Variants in C2CD5 observed in about 807,000 individuals in gnomAD.
C2CD5 encodes the protein C2 calcium dependent domain containing 5.
In C2CD5, 109 loss-of-function variants were observed where a neutral mutation model predicts 130.3. That is an observed-to-expected ratio of 0.84 (90% CI 0.72 to 0.98). The LOEUF (loss-of-function observed/expected upper bound fraction) is 0.98, where lower values mean the gene tolerates loss of function less well. Among genes scored for constraint, C2CD5 ranks in the 50% least tolerant of loss-of-function variants. The probability of loss-of-function intolerance (pLI) is 0.00; values close to 1 mark genes in which losing one functional copy is unlikely to be tolerated. For synonymous variants in C2CD5, 454 were observed against 429.2 expected, an observed-to-expected ratio of 1.06 and a Z score of -0.71; for missense variants, 996 against 1,261.8, an observed-to-expected ratio of 0.79 and a Z score of 3.19.
chr12:22,465,518 G>C (rs1162510442), intron 22 of C2CD5, among the ~76,000 whole-genome samples: 1 of 151,994 alleles, frequency 6.6e-6, no homozygotes, highest in Non-Finnish European at 1.5e-5. Context: ...ATATTTCTCT[G>C]AAGTAATATG....
At chr12:22,453,003 G>GAA (rs1207994469) in intron 26 of C2CD5, among the ~76,000 whole-genome samples, 2 of 152,056 alleles carry the variant, frequency 1.3e-5, no homozygotes, top group African/African-American at 4.8e-5. Flanking sequence ...TTTTACTAAT[G>GAA]AAAAAATGAT....
chr12:22,505,769 C>A (rs1948447437), intron 10 of C2CD5, among the ~76,000 whole-genome samples: 1 of 152,134 alleles, frequency 6.6e-6, no homozygotes, highest in Non-Finnish European at 1.5e-5. Context: ...AATTATGGTC[C>A]TATGTTTTAA....
intron 12 of C2CD5, among the ~76,000 whole-genome samples, chr12:22,485,162 C>T (rs1945308416): frequency 6.6e-6 from 1 of 152,070 alleles, no homozygotes; most frequent in Non-Finnish European, 1.5e-5. Flanking sequence ...TGACAAACAT[C>T]ACTATCACCC....
chr12:22,497,154 T>C (rs554002936), intron 10 of C2CD5, among the ~76,000 whole-genome samples: 111 of 152,248 alleles, frequency 7.3e-4, no homozygotes, highest in African/African-American at 2.2e-3. Flanking sequence ...TTTATATAGC[T>C]CTGGGAGAGA....
chr12:22,513,542 T>C (rs1344916764), intron 8 of C2CD5, among the ~76,000 whole-genome samples, 163 bp from the exon 9 acceptor site: 1 of 152,146 alleles, frequency 6.6e-6, no homozygotes, highest in Non-Finnish European at 1.5e-5. Flanking sequence ...ACTCTACTTT[T>C]ATTCACAGTT....
In C2CD5 at chr12:22,506,636, TA is replaced by T. The variant is rs1176359342; in HGVS notation, c.1147+74del. On this transcript the variant is annotated intron_variant, in intron 10 of 26. Transcript: ENST00000446597. ...TTCTCTTTTCAGTTAGATTTGGCTT[TA>T]AAAAAATCATAAAAATCAATTTTAA... 3.6e-5 allele frequency: 32 copies of T among 895,564 alleles called. 1 individual carries two copies. Among genetic ancestry groups the T allele is most frequent in the South Asian group, 1.0e-4 (7 of 66,928 alleles). The allele number at this position is 895,564 out of a possible 1,614,324, so 55.5% of individuals were successfully genotyped here.
At chr12:22,502,947 G>T in intron 10 of C2CD5, 1 of 575,656 alleles carries the variant, frequency 1.7e-6, no homozygotes. Context: ...TTAATAAGAA[G>T]TAGAAATAGA....
At chr12:22,543,235 TCTTTA>T (rs564927502) in intron 2 of C2CD5, among the ~76,000 whole-genome samples, 36 of 152,256 alleles carry the variant, frequency 2.4e-4, no homozygotes, top group Non-Finnish European at 4.9e-4. Flanking sequence ...TTTATTACAA[TCTTTA>T]CTTGGCTTCT....
chr12:22,458,516 G>A lies in C2CD5; in HGVS notation c.2654C>T (p.Ala885Val), dbSNP rs1049711634. 2.3e-6 allele frequency: 3 copies of A among 1,303,932 alleles called. No homozygotes were observed. The highest frequency in any genetic ancestry group is 2.9e-6 in the Non-Finnish European group (3 of 1,023,330). The allele number at this position is 1,303,932 out of a possible 1,614,324, so 80.8% of individuals were successfully genotyped here. A position where few individuals can be genotyped will look rare whatever the true frequency, so the allele number is the denominator to read the frequency against. Residue 885 changes from alanine to valine, a missense_variant, in exon 24 of 27, where the codon GCT (alanine) becomes GTT (valine). Coordinates refer to ENST00000446597, the MANE Select transcript of C2CD5 (RefSeq NM_001286176.2). Reference protein sequence around the residue: ...SSWIELIKLKAQTIRRGSIKT... With the variant: ...SSWIELIKLKVQTIRRGSIKT... ...AATTGATCCACGCCTTATGGTCTGAGCTTTCAGTTTAATGAGCTCTATCCA... is the reference window on the plus strand; with the variant it reads ...AATTGATCCACGCCTTATGGTCTGAACTTTCAGTTTAATGAGCTCTATCCA...
chr12:22,518,601 C>T (rs533163542), intron 7 of C2CD5, among the ~76,000 whole-genome samples: 6 of 152,248 alleles, frequency 3.9e-5, no homozygotes, highest in South Asian at 2.1e-4. Flanking sequence ...GCTAAAAACA[C>T]AGCAGAGAGA....
At chr12:22,478,929 A>G (rs1944284400) in intron 14 of C2CD5, among the ~76,000 whole-genome samples, 1 of 152,178 alleles carries the variant, frequency 6.6e-6, no homozygotes, top group Non-Finnish European at 1.5e-5. Flanking sequence ...GGGTATACAT[A>G]GGACATCTCT....
At chr12:22,490,263 A>C in intron 11 of C2CD5, 45 bp from the exon 12 acceptor site, 1 of 1,362,066 alleles carries the variant, frequency 7.3e-7, no homozygotes, top group Non-Finnish European at 1.0e-6. Flanking sequence ...TTCAGACCGT[A>C]TAACTTTGGG....
intron 6 of C2CD5, among the ~76,000 whole-genome samples, 191 bp downstream of exon 6, chr12:22,524,281 T>C (rs113163550): frequency 1.3e-5 from 2 of 152,182 alleles, no homozygotes; most frequent in Non-Finnish European, 2.9e-5. Flanking sequence ...TACTACAAGC[T>C]TCTGATTTGC....
intron 11 of C2CD5, among the ~76,000 whole-genome samples, chr12:22,492,761 G>GCA: frequency 6.6e-6 from 1 of 152,148 alleles, no homozygotes; most frequent in South Asian, 2.1e-4. Context: ...AGAATGATTT[G>GCA]TTAGCAAGAA....
At position 22,478,385 on chromosome 12, in the gene C2CD5, G is replaced by A; in HGVS notation, c.1830C>T (p.His610=). ...KTPNDGSYEQ[H]ISHMQKKIND... ...TTATCTTCTTCTGCATATGAGAGAT[G>A]TGTTGTTCATATGAGCCATCATTAG... Residue 610 remains histidine (H), a synonymous_variant, in exon 15 of 27, where the codon CAC becomes CAT. Transcript: ENST00000446597. The A allele has an allele frequency of 6.2e-7, 1 of 1,610,500 alleles. No individual in the cohort carries two copies. Among genetic ancestry groups the A allele is most frequent in the Non-Finnish European group, 8.5e-7 (1 of 1,176,766 alleles).
chr12:22,465,580 C>A (rs1230619633), intron 22 of C2CD5, among the ~76,000 whole-genome samples: 1 of 151,986 alleles, frequency 6.6e-6, no homozygotes, highest in African/African-American at 2.4e-5. Context: ...AAACTGAAAT[C>A]TATGAGAAGA....
intron 3 of C2CD5, among the ~76,000 whole-genome samples, chr12:22,530,540 C>A (rs1222662756): frequency 2.6e-5 from 4 of 151,722 alleles, no homozygotes; most frequent in Admixed American, 1.3e-4. Flanking sequence ...TCACTGCAAC[C>A]TCTGCCTCCC....
intron 13 of C2CD5, among the ~76,000 whole-genome samples, chr12:22,483,103 G>A (rs901827798): frequency 2.0e-5 from 3 of 152,096 alleles, no homozygotes; most frequent in Admixed American, 6.6e-5. Context: ...CTTCCATGAT[G>A]TGATTATTAT....
In C2CD5 at chr12:22,532,958, C is replaced by G. The variant is rs187365227; in HGVS notation, c.177+2300G>C. On this transcript the variant is annotated intron_variant, in intron 3 of 26. Coordinates refer to ENST00000446597, the MANE Select transcript of C2CD5 (RefSeq NM_001286176.2). ...GTTCTTAAGTAGTCCAATGAAAATT[C>G]CAAAGAAGAAAATTTCAGTTCCAGC... is the stretch of plus-strand genomic sequence containing the variant. Among the ~76,000 whole-genome samples, 453 of 152,098 alleles carry G rather than the reference C, an allele frequency of 3.0e-3. 1 individual carries two copies. The highest frequency in any genetic ancestry group is 4.6e-3 in the Non-Finnish European group (315 of 67,982).
Sources: allele counts gnomAD v4.1 joint callset (sites outside exome capture counted in the v4.1 genomes callset), GRCh38; gene constraint gnomAD v4.1.1; transcripts MANE v1.5; gene names NCBI Gene and HGNC (gene_info 2026-07-23, HGNC 2026-07-21).